Variants in MROH2A observed in about 807,000 individuals in gnomAD.
MROH2A encodes the protein maestro heat like repeat family member 2A.
A neutral mutation model predicts 200.4 loss-of-function variants in MROH2A; 174 were observed. The ratio of observed to expected loss-of-function variants is 0.87; its 90% CI spans 0.77 to 0.98. MROH2A has a LOEUF of 0.98. Ranked by LOEUF, MROH2A falls within the 50% of genes least tolerant of loss-of-function variation. MROH2A has a pLI of 0.00. For synonymous variants in MROH2A, 829 were observed against 840.4 expected, an observed-to-expected ratio of 0.99 and a Z score of 0.23; for missense variants, 2,045 against 2,139.6, an observed-to-expected ratio of 0.96 and a Z score of 0.87.
intron 39 of MROH2A, 25 bp from the exon 40 acceptor site, chr2:233,832,152 T>A (rs3064782): frequency 0.51 from 791,422 of 1,537,592 alleles, 205,984 homozygotes; most frequent in African/African-American, 0.61. Flanking sequence ...CCTCCAAAGC[T>A]GTGTGTATCA....
rs199727503 is a variant in MROH2A at position 233,796,035 on chromosome 2, C to T, written c.1128C>T (p.Phe376=). 6.1e-5 allele frequency: 94 copies of T among 1,550,532 alleles called. No homozygotes were observed. The highest frequency in any genetic ancestry group is 1.6e-4 in the Admixed American group (8 of 51,012). Residue 376 remains phenylalanine (F), a synonymous_variant, in exon 10 of 42, where the codon TTC becomes TTT. Transcript: ENST00000389758. ...ATCTGATGGAGATGGTGCACTGCTTCGTAGCCCTTGGTGAGGCTCTGCGGC... is the reference window on the plus strand; with the variant it reads ...ATCTGATGGAGATGGTGCACTGCTTTGTAGCCCTTGGTGAGGCTCTGCGGC... ...SQNLMEMVHC[F]VALARSYPKE...
At chr2:233,788,456 C>A (rs1382002563) in intron 3 of MROH2A, among the ~76,000 whole-genome samples, 2 of 151,824 alleles carry the variant, frequency 1.3e-5, no homozygotes, top group African/African-American at 4.8e-5. Context: ...GACCAAGACT[C>A]CCTGTACTGG....
intron 6 of MROH2A, among the ~76,000 whole-genome samples, 193 bp from the exon 7 acceptor site, chr2:233,793,480 C>T (rs538523394): frequency 9.2e-4 from 140 of 152,278 alleles, no homozygotes; most frequent in African/African-American, 3.1e-3. Flanking sequence ...CAGACACCCC[C>T]GAGTGCTCAG....
At position 233,814,480 on chromosome 2, in the gene MROH2A, G is replaced by A. The variant is rs11563238; in HGVS notation, c.2761-102G>A. ...AAGAGCTCAGACTGAACAGAAGTTA[G>A]TGGATGACTGCCAGACCCCTCCCTG... On this transcript the variant is annotated intron_variant, in intron 25 of 41. Transcript: ENST00000389758. The A allele has an allele frequency of 0.013, 9,321 of 719,538 alleles. 543 individuals are homozygous for A. The East Asian group carries it at 0.16, about 12-fold the overall frequency. 44.6% of individuals were successfully genotyped at this position (719,538 alleles called of 1,614,324 possible).
Position 233,828,941 on chromosome 2 carries a change from G to A in MROH2A, c.4315G>A (p.Glu1439Lys), listed in dbSNP as rs570666107. ...GGAGAAGTGCCTGGGCCCCCTGAGG[G>A]AGCCCGTGAGCAACAGCGTGACTGC... ...LLEKCLGPLREPVSNSVTAEG... is the reference protein window; with the variant it reads ...LLEKCLGPLRKPVSNSVTAEG... Residue 1439 changes from glutamate (E) to lysine (K), a missense_variant, in exon 37 of 42, where the codon GAG becomes AAG. By Grantham distance (56) the Glu-to-Lys change is moderately conservative. Coordinates refer to ENST00000389758, the MANE Select transcript of MROH2A (RefSeq NM_001394639.1). The surrounding 1 kb of genome is among the most constrained non-coding windows in gnomAD (Gnocchi z 4.6). The A allele has an allele frequency of 1.3e-6, 2 of 1,550,552 alleles. No homozygotes were observed.
intron 3 of MROH2A, among the ~76,000 whole-genome samples, chr2:233,782,948 C>CG (rs1701018722): frequency 2.6e-5 from 4 of 151,966 alleles, no homozygotes; most frequent in African/African-American, 9.7e-5. Context: ...TTATCAAATA[C>CG]TTTTTTTAGC....
intron 8 of MROH2A, among the ~76,000 whole-genome samples, chr2:233,795,195 G>T (rs544136670): frequency 3.3e-5 from 5 of 152,356 alleles, no homozygotes; most frequent in South Asian, 2.1e-4. Context: ...TGGTAGAGGG[G>T]TGAGATGTGT....
chr2:233,791,664 G>A (rs1043971272), intron 5 of MROH2A, among the ~76,000 whole-genome samples: 1 of 152,176 alleles, frequency 6.6e-6, no homozygotes, highest in Admixed American at 6.5e-5. Flanking sequence ...CCTGGCATTG[G>A]CAAGGCTCGG....
chr2:233,819,023 C>T (rs1703748443), intron 29 of MROH2A, among the ~76,000 whole-genome samples: 1 of 152,234 alleles, frequency 6.6e-6, no homozygotes, highest in Non-Finnish European at 1.5e-5. Context: ...TGATGTGCCA[C>T]ACTGAGTGCT....
intron 38 of MROH2A, 104 bp downstream of exon 38, chr2:233,829,879 CCTCAGTTGGTTTT>C (rs1225107779): frequency 8.9e-7 from 1 of 1,118,570 alleles, no homozygotes; most frequent in Non-Finnish European, 1.1e-6. Flanking sequence ...CTTTTCTCTG[CCTCAGTTGGTTTT>C]CTCTGAGATC....
chr2:233,808,879 C>A (rs542141380), intron 21 of MROH2A, among the ~76,000 whole-genome samples: 4 of 152,190 alleles, frequency 2.6e-5, no homozygotes, highest in South Asian at 2.1e-4. Flanking sequence ...CGTCTATAGC[C>A]CTAGTCTGTC....
At chr2:233,794,326 T>G in intron 7 of MROH2A, 37 bp from the exon 8 acceptor site, 60 of 1,471,144 alleles carry the variant, frequency 4.1e-5, no homozygotes, top group Non-Finnish European at 5.2e-5. Context: ...TGGAGGGTGG[T>G]GAGACAATGC....
rs1333748597 is a variant in MROH2A at position 233,823,666 on chromosome 2, T to G, written c.4113+2T>G. 6.5e-7 allele frequency: 1 copy of G among 1,549,628 alleles called. No homozygotes were observed. Among genetic ancestry groups the G allele is most frequent in the Non-Finnish European group, 8.7e-7 (1 of 1,146,346 alleles). Reference sequence around the variant, plus strand: ...CGCATCAGCAGCACAGCGGTCTGCGTGGAAATGAGGCACCGGGTGTGGGCG... The same window carrying G: ...CGCATCAGCAGCACAGCGGTCTGCGGGGAAATGAGGCACCGGGTGTGGGCG... On this transcript the variant is annotated splice_donor_variant, in intron 35 of 41. Coordinates refer to ENST00000389758, the MANE Select transcript of MROH2A (RefSeq NM_001394639.1). LOFTEE classifies it high-confidence loss of function.
intron 14 of MROH2A, among the ~76,000 whole-genome samples, chr2:233,800,910 G>A (rs906937874): frequency 6.6e-6 from 1 of 152,122 alleles, no homozygotes; most frequent in Non-Finnish European, 1.5e-5. Context: ...GAGGCTGCAG[G>A]CTAGATGATC....
intron 4 of MROH2A, 44 bp from the exon 5 acceptor site, chr2:233,789,808 C>G (rs1189635261): frequency 2.0e-6 from 3 of 1,521,374 alleles, no homozygotes; most frequent in Non-Finnish European, 2.7e-6. Flanking sequence ...TCCTGGAGGC[C>G]CGGCTGGTGG....
At chr2:233,794,155 A>G (rs2126111417) in intron 7 of MROH2A, among the ~76,000 whole-genome samples, 1 of 152,334 alleles carries the variant, frequency 6.6e-6, no homozygotes, top group South Asian at 2.1e-4. Context: ...GAGGAAACTC[A>G]GGCACAGAGG....
In MROH2A at chr2:233,792,869, C is replaced by T. The variant is rs1030959007; in HGVS notation, c.645C>T (p.Ala215=). ...CCATGCTGAGACTTGCCAATGAAGC[C>T]AAGATACGCCAGGCGATCTGCAGTG... ...IFTMLRLANE[A]KIRQAICSAM... The change falls in exon 6 of 42, where the codon GCC becomes GCT. Residue 215 remains alanine (A), a synonymous_variant. Coordinates refer to ENST00000389758, the MANE Select transcript of MROH2A (RefSeq NM_001394639.1). 1 of 1,550,580 alleles carries T rather than the reference C, an allele frequency of 6.4e-7. No individual in the cohort carries two copies. Among genetic ancestry groups the T allele is most frequent in the Non-Finnish European group, 8.7e-7 (1 of 1,147,014 alleles).
chr2:233,814,960 T>C (rs975020155), intron 26 of MROH2A, among the ~76,000 whole-genome samples: 11 of 152,214 alleles, frequency 7.2e-5, no homozygotes, highest in African/African-American at 2.4e-4. Context: ...GCTGCAGACA[T>C]CCAGAGTAAC....
intron 2 of MROH2A, 96 bp from the exon 3 acceptor site, chr2:233,779,575 C>G: frequency 2.1e-6 from 3 of 1,425,240 alleles, no homozygotes; most frequent in Non-Finnish European, 2.9e-6. Flanking sequence ...ACACATGAAG[C>G]TGGAGCTGCG....
Sources: gnomAD v4.1 joint callset for allele counts (sites outside exome capture counted in the v4.1 genomes callset) on GRCh38, gnomAD v4.1.1 for gene constraint, Gnocchi (gnomAD v3.1) non-coding constraint, MANE v1.5 for transcripts, NCBI Gene and HGNC (gene_info 2026-07-23, HGNC 2026-07-21) for gene names.